The following CLPB variants were observed in gnomAD, a reference collection of about 807,000 sequenced individuals.
CLPB encodes the protein ClpB family mitochondrial disaggregase, also known as mitochondrial disaggregase.
Under a neutral mutation model 78.4 loss-of-function variants are expected in CLPB, and 40 were observed. The observed-to-expected ratio is 0.51, with a 90% CI of 0.40 to 0.66. CLPB has a LOEUF of 0.66. CLPB is among the 30% of genes least tolerant of loss of function. The pLI is 0.00. For missense variants in CLPB, 780 were observed against 886.9 expected (o/e 0.88, Z 1.53); for synonymous variants, 333 against 348.0 (o/e 0.96, Z 0.48).
At chr11:72,389,681 T>C (rs148780632) in intron 3 of CLPB, among the ~76,000 whole-genome samples, 2 of 152,236 alleles carry the variant, frequency 1.3e-5, no homozygotes, top group African/African-American at 2.4e-5. Context: ...ATTCCAGCAC[T>C]CTGGGAGACT....
intron 4 of CLPB, among the ~76,000 whole-genome samples, chr11:72,376,291 T>C (rs751125878): frequency 3.3e-5 from 5 of 152,168 alleles, no homozygotes; most frequent in Non-Finnish European, 5.9e-5. Flanking sequence ...TTGCATACAA[T>C]TGGCAGTCAA....
chr11:72,372,787 T>C (rs1951067476), intron 4 of CLPB: 1 of 733,266 alleles, frequency 1.4e-6, no homozygotes, highest in Non-Finnish European at 2.4e-6. Flanking sequence ...GCATTCTCTC[T>C]GCTATGCTTG....
chr11:72,360,232 C>T (rs1419290267), intron 4 of CLPB, among the ~76,000 whole-genome samples: 1 of 152,222 alleles, frequency 6.6e-6, no homozygotes, highest in East Asian at 1.9e-4. Flanking sequence ...GTCCACAGCA[C>T]AGGATCTGCA....
intron 4 of CLPB, chr11:72,372,861 G>A: frequency 7.0e-7 from 1 of 1,422,278 alleles, no homozygotes; most frequent in Non-Finnish European, 9.9e-7. Context: ...GAGATAGTCA[G>A]ATGAGACCAT....
At position 72,372,993 on chromosome 11, in the gene CLPB, C is replaced by T. The variant is rs143097446; in HGVS notation, c.646+7288G>A. 11,005 of 1,614,066 alleles carry T rather than the reference C, an allele frequency of 6.8e-3. 56 individuals carry two copies. Among genetic ancestry groups the T allele is most frequent in the Non-Finnish European group, 8.5e-3 (10,071 of 1,179,972 alleles). On this transcript the variant is annotated intron_variant, in intron 4 of 15. Coordinates refer to ENST00000538039, the MANE Select transcript of CLPB (RefSeq NM_001258392.3). ...TGTCCACTGGTTTGTGATGTGCCGG[C>T]TTGCACCGTCCTGTCCCCCATCTGA...
intron 1 of CLPB, among the ~76,000 whole-genome samples, chr11:72,432,529 C>T (rs1856576072): frequency 6.6e-6 from 1 of 152,190 alleles, no homozygotes. Context: ...ACCAGCCCTA[C>T]ATTCCAACTG....
chr11:72,297,636 G>GGTGGGTGT (rs1949574105), intron 11 of CLPB, among the ~76,000 whole-genome samples: 2 of 93,368 alleles, frequency 2.1e-5, no homozygotes, highest in African/African-American at 6.6e-5. Flanking sequence ...TTGGGGACCA[G>GGTGGGTGT]GTGTGTGTGT....
At chr11:72,363,211 G>A (rs1029777597) in intron 4 of CLPB, among the ~76,000 whole-genome samples, 1 of 149,152 alleles carries the variant, frequency 6.7e-6, no homozygotes, top group African/African-American at 2.4e-5. Context: ...GAGGGGAGGG[G>A]ACGGAGGGAA....
chr11:72,362,813 T>G (rs924850001), intron 4 of CLPB, among the ~76,000 whole-genome samples: 15 of 152,210 alleles, frequency 9.9e-5, no homozygotes, highest in African/African-American at 3.6e-4. Context: ...AAAAAAGGCT[T>G]CACTTGAGGA....
intron 5 of CLPB, chr11:72,332,856 T>C (rs1199725019): frequency 3.3e-5 from 5 of 152,222 alleles, no homozygotes; most frequent in Non-Finnish European, 5.9e-5. Flanking sequence ...CAGGTGATGA[T>C]CGACATTTAA....
intron 1 of CLPB, among the ~76,000 whole-genome samples, chr11:72,433,670 C>T (rs1037440583): frequency 6.6e-6 from 1 of 152,018 alleles, no homozygotes; most frequent in Non-Finnish European, 1.5e-5. Context: ...TAGGGGGGAG[C>T]GGTTTGGCAA....
At chr11:72,399,300 C>T (rs987063713) in intron 3 of CLPB, among the ~76,000 whole-genome samples, 4 of 151,954 alleles carry the variant, frequency 2.6e-5, no homozygotes, top group African/African-American at 7.2e-5. Flanking sequence ...TTTACAAAAA[C>T]AATAAATCTA....
rs1335382711 is a variant in CLPB, at chr11:72,293,264, G to C, written c.*103C>G. ...AGGAGGTAAGCAGGCCTGAGACTGG[G>C]TAGAGATGGGAGCGGCATGAGGGGA... On this transcript the variant is annotated 3_prime_UTR_variant, in exon 16 of 16. Coordinates refer to ENST00000538039, the MANE Select transcript of CLPB (RefSeq NM_001258392.3). 7.0e-6 allele frequency: 10 copies of C among 1,426,040 alleles called. No homozygotes were observed. In the African/African-American group the frequency reaches 1.3e-4, roughly 18 times the overall value. 88.3% of individuals were successfully genotyped at this position (1,426,040 alleles called of 1,614,324 possible). A position where few individuals can be genotyped will look rare whatever the true frequency, so the allele number is the denominator to read the frequency against.
At chr11:72,334,850 C>T (rs1362390400) in intron 5 of CLPB, among the ~76,000 whole-genome samples, 5 of 152,260 alleles carry the variant, frequency 3.3e-5, no homozygotes, top group African/African-American at 1.2e-4. Flanking sequence ...GGACCCCTCC[C>T]CTCCTCTCCC....
chr11:72,362,935 C>T (rs1309917684), intron 4 of CLPB, among the ~76,000 whole-genome samples: 2 of 152,110 alleles, frequency 1.3e-5, no homozygotes, highest in Non-Finnish European at 2.9e-5. Flanking sequence ...GCGGGCAGAT[C>T]GCTTGAGCTC....
intron 12 of CLPB, 90 bp downstream of exon 12, chr11:72,295,402 C>A (rs1045203102): frequency 1.4e-6 from 2 of 1,429,652 alleles, no homozygotes; most frequent in Non-Finnish European, 1.9e-6. Context: ...AGAACCTTCA[C>A]CTGGGCCCAG....
intron 4 of CLPB, among the ~76,000 whole-genome samples, chr11:72,377,008 T>C (rs987098610): frequency 1.3e-5 from 2 of 152,186 alleles, no homozygotes; most frequent in Non-Finnish European, 2.9e-5. Context: ...AATTACCGGG[T>C]ACCAGTATGG....
chr11:72,285,684 CAAAGCTTACT>C lies in CLPB; in HGVS notation c.*7673_*7682del, dbSNP rs1949378547. 6.6e-6 allele frequency: 1 copy of C among 152,122 alleles called. No homozygotes were observed. Among genetic ancestry groups the C allele is most frequent in the South Asian group, 2.1e-4 (1 of 4,820 alleles). The allele number at this position is 152,122 out of a possible 1,614,324, so 9.4% of individuals were successfully genotyped here. A position where few individuals can be genotyped will look rare whatever the true frequency, so the allele number is the denominator to read the frequency against. ...GAACAGGTAATACATTAATATGGTT[CAAAGCTTACT>C]AAAAAGTATTTAAAATAACATAGCA... On this transcript the variant is annotated 3_prime_UTR_variant, in exon 16 of 16. Coordinates refer to ENST00000538039, the MANE Select transcript of CLPB (RefSeq NM_001258392.3).
At chr11:72,362,598 C>T (rs1950860629) in intron 4 of CLPB, among the ~76,000 whole-genome samples, 1 of 152,164 alleles carries the variant, frequency 6.6e-6, no homozygotes, top group Non-Finnish European at 1.5e-5. Flanking sequence ...ACTGTGTAAT[C>T]TTGGGCAATT....
Sources: allele counts gnomAD v4.1 joint callset (sites outside exome capture counted in the v4.1 genomes callset), GRCh38; gene constraint gnomAD v4.1.1; transcripts MANE v1.5; gene names NCBI Gene and HGNC (gene_info 2026-07-23, HGNC 2026-07-21).